Variants in ANO6 observed in about 807,000 individuals in gnomAD.
ANO6 encodes anoctamin 6, also known as anoctamin-6.
In ANO6, 106 loss-of-function variants were observed where a neutral mutation model predicts 117.5. The observed-to-expected ratio is 0.90, with a 90% CI of 0.77 to 1.06. The LOEUF (loss-of-function observed/expected upper bound fraction) is 1.06, where lower values mean the gene tolerates loss of function less well. Ranked by LOEUF, ANO6 falls within the 50% of genes least tolerant of loss-of-function variation. The pLI is 0.00. For missense variants in ANO6, 955 were observed against 1,121.1 expected, an observed-to-expected ratio of 0.85 and a Z score of 2.12; for synonymous variants, 367 against 385.1, an observed-to-expected ratio of 0.95 and a Z score of 0.55.
chr12:45,292,113 C>T (rs35032811), intron 1 of ANO6, among the ~76,000 whole-genome samples: 8,142 of 152,170 alleles, frequency 0.054, 534 homozygotes, highest in East Asian at 0.35. Flanking sequence ...ATCTGTACAA[C>T]GAAGTATTAT....
At chr12:45,343,402 C>T (rs962838403) in intron 3 of ANO6, among the ~76,000 whole-genome samples, 34 of 152,144 alleles carry the variant, frequency 2.2e-4, no homozygotes, top group African/African-American at 7.7e-4. Context: ...AAGACACAGG[C>T]ATGGATCCTG....
intron 1 of ANO6, among the ~76,000 whole-genome samples, chr12:45,244,157 T>A (rs1947786937): frequency 6.6e-6 from 1 of 152,148 alleles, no homozygotes; most frequent in Non-Finnish European, 1.5e-5. Flanking sequence ...AAGTTTCAGT[T>A]CATGTTCTTG....
intron 2 of ANO6, among the ~76,000 whole-genome samples, chr12:45,306,621 T>G (rs1397928805): frequency 1.3e-5 from 2 of 152,114 alleles, no homozygotes; most frequent in Non-Finnish European, 2.9e-5. Flanking sequence ...AATTTTTGAT[T>G]ATCTTCAACC....
intron 2 of ANO6, among the ~76,000 whole-genome samples, chr12:45,320,836 A>C (rs11182978): frequency 0.14 from 21,064 of 151,982 alleles, 1,895 homozygotes; most frequent in Non-Finnish European, 0.19. Flanking sequence ...GGATAGTTAG[A>C]TCTTCTCGTT....
At chr12:45,301,908 T>C in intron 1 of ANO6, 106 bp from the exon 2 acceptor site, 1 of 904,764 alleles carries the variant, frequency 1.1e-6, no homozygotes, top group Non-Finnish European at 1.8e-6. Flanking sequence ...AACCTGTCAA[T>C]GTGCTACCAA....
chr12:45,393,812 A>G (rs1189829027), intron 12 of ANO6, among the ~76,000 whole-genome samples: 1 of 152,226 alleles, frequency 6.6e-6, no homozygotes, highest in Non-Finnish European at 1.5e-5. Flanking sequence ...TTTTGTCACC[A>G]CCAGGCCTGC....
chr12:45,411,823 G>A (rs1481111795), intron 16 of ANO6, among the ~76,000 whole-genome samples: 4 of 152,158 alleles, frequency 2.6e-5, no homozygotes, highest in Non-Finnish European at 5.9e-5. Context: ...AGCAGCACCT[G>A]CTGCCTGCCG....
At chr12:45,427,230 G>A (rs1280396295) in intron 19 of ANO6, among the ~76,000 whole-genome samples, 1 of 152,114 alleles carries the variant, frequency 6.6e-6, no homozygotes, top group Non-Finnish European at 1.5e-5. Context: ...TAGGGCCAGA[G>A]TCTCCTAGCT....
At chr12:45,412,986 T>C (rs978036324) in intron 16 of ANO6, among the ~76,000 whole-genome samples, 2 of 152,148 alleles carry the variant, frequency 1.3e-5, no homozygotes, top group African/African-American at 4.8e-5. Context: ...GATCAAAGAA[T>C]GGCAAGTGAA....
chr12:45,291,341 C>T (rs187658617), intron 1 of ANO6, among the ~76,000 whole-genome samples: 53 of 120,224 alleles, frequency 4.4e-4, no homozygotes, highest in African/African-American at 1.6e-3. Context: ...AGTGAAACTC[C>T]GTCTCAAAAA....
At chr12:45,341,198 A>G (rs933204670) in intron 3 of ANO6, among the ~76,000 whole-genome samples, 69 of 152,206 alleles carry the variant, frequency 4.5e-4, no homozygotes, top group African/African-American at 1.4e-3. Flanking sequence ...GTTCTTTGTA[A>G]AGAACTAAAA....
At chr12:45,299,493 T>A (rs1163447718) in intron 1 of ANO6, among the ~76,000 whole-genome samples, 2 of 152,220 alleles carry the variant, frequency 1.3e-5, no homozygotes, top group African/African-American at 4.8e-5. Context: ...TCTACTGGCA[T>A]TTCTTTTCAA....
chr12:45,332,354 A>G (rs76734794), intron 3 of ANO6, among the ~76,000 whole-genome samples: 2,443 of 151,672 alleles, frequency 0.016, 61 homozygotes, highest in East Asian at 0.097. Context: ...GTCCCTGTCT[A>G]GACTGTCTCC....
intron 1 of ANO6, among the ~76,000 whole-genome samples, chr12:45,278,222 G>C (rs1938613109): frequency 6.6e-6 from 1 of 152,180 alleles, no homozygotes; most frequent in Non-Finnish European, 1.5e-5. Context: ...CCCCCAGAGT[G>C]CTGGGATTAC....
intron 1 of ANO6, among the ~76,000 whole-genome samples, chr12:45,282,223 A>G (rs564362894): frequency 6.6e-6 from 1 of 152,378 alleles, no homozygotes; most frequent in East Asian, 1.9e-4. Flanking sequence ...TGCCTGGGAC[A>G]TTTCCAAGTC....
chr12:45,334,854 T>C (rs1393485179), intron 3 of ANO6, among the ~76,000 whole-genome samples: 1 of 152,070 alleles, frequency 6.6e-6, no homozygotes, highest in Non-Finnish European at 1.5e-5. Context: ...CTCCTCTTGC[T>C]CAGTTTTGTT....
intron 2 of ANO6, among the ~76,000 whole-genome samples, chr12:45,320,747 G>A (rs1592961281): frequency 6.6e-6 from 1 of 152,220 alleles, no homozygotes; most frequent in African/African-American, 2.4e-5. Context: ...TATTGTGTGG[G>A]TGTCTAAGTC....
chr12:45,384,814 GA>G (rs1414361532), intron 10 of ANO6, among the ~76,000 whole-genome samples: 2 of 152,166 alleles, frequency 1.3e-5, no homozygotes, highest in African/African-American at 4.8e-5. Flanking sequence ...CATGTTGTTG[GA>G]AAAATGGCAT....
chr12:45,293,646 C>T (rs1300040124), intron 1 of ANO6, among the ~76,000 whole-genome samples: 5 of 151,568 alleles, frequency 3.3e-5, no homozygotes, highest in South Asian at 2.1e-4. Flanking sequence ...CTGCAAGCTC[C>T]GCCTCCCAGG....
Sources: gnomAD v4.1 joint callset for allele counts (sites outside exome capture counted in the v4.1 genomes callset) on GRCh38, gnomAD v4.1.1 for gene constraint, MANE v1.5 for transcripts, NCBI Gene and HGNC (gene_info 2026-07-23, HGNC 2026-07-21) for gene names.